FRAS1: variants seen among roughly 807,000 people sequenced by gnomAD.
FRAS1 encodes Fraser extracellular matrix complex subunit 1.
A neutral mutation model predicts 435.2 loss-of-function variants in FRAS1; 290 were observed. That is an observed-to-expected ratio of 0.67 (90% confidence interval 0.61 to 0.73). The LOEUF is 0.73. Among genes scored for constraint, FRAS1 ranks in the 30% least tolerant of loss-of-function variants. The pLI is 0.00. For synonymous variants in FRAS1, 1,800 were observed against 1,851.0 expected (o/e 0.97, Z 0.71); for missense variants, 4,860 against 5,001.5 (o/e 0.97, Z 0.85).
chr4:78,143,635 C>T (rs1720282616), intron 2 of FRAS1, among the ~76,000 whole-genome samples: 1 of 151,896 alleles, frequency 6.6e-6, no homozygotes, highest in Non-Finnish European at 1.5e-5. Flanking sequence ...GTAGCTGAAG[C>T]CTGTGGTCCC....
rs1731572096 is a variant in FRAS1, at chr4:78,372,879, C to T, written c.3010+21C>T. 2.5e-6 allele frequency: 4 copies of T among 1,608,902 alleles called. No homozygotes were observed. The East Asian group carries it at 6.7e-5, about 27-fold the overall frequency. On this transcript the variant is annotated intron_variant, in intron 24 of 73. Transcript: ENST00000512123. The stretch of plus-strand genomic sequence containing the variant: ...CAAGAGTAAGTGTGTAGAGGCCCTG[C>T]TCTGTGCTCAGCCATACCTTGGCCA...
intron 70 of FRAS1, among the ~76,000 whole-genome samples, chr4:78,531,476 T>G (rs757197957): frequency 1.3e-5 from 2 of 152,198 alleles, no homozygotes; most frequent in Non-Finnish European, 2.9e-5. Context: ...GGCTATGGGT[T>G]TGTCATAAAT....
At chr4:78,421,317 T>G (rs932555395) in intron 33 of FRAS1, among the ~76,000 whole-genome samples, 6 of 151,928 alleles carry the variant, frequency 3.9e-5, no homozygotes, top group African/African-American at 1.5e-4. Flanking sequence ...CCGGCTAATT[T>G]TTGTGTTTTT....
Position 78,446,729 on chromosome 4 carries a change from G to A in FRAS1, c.5859G>A (p.Arg1953=). 1 of 1,612,296 alleles carries A rather than the reference G, an allele frequency of 6.2e-7. No individual in the cohort carries two copies. The highest frequency in any genetic ancestry group is 8.5e-7 in the Non-Finnish European group (1 of 1,179,354). ...EIHSINITIE[R]KNDEPPRMTL... is the part of the protein sequence containing the mutation. The stretch of plus-strand genomic sequence containing the variant: ...CTAATAGTTTATGCTTTAATCAGAG[G>A]AAGAACGATGAGCCTCCCAGGATGA... The change falls in exon 43 of 74, where the codon AGG becomes AGA. Residue 1953 remains arginine, a splice_region_variant and synonymous_variant. Transcript: ENST00000512123.
chr4:78,184,981 T>C (rs996327472), intron 2 of FRAS1, among the ~76,000 whole-genome samples: 2 of 152,192 alleles, frequency 1.3e-5, no homozygotes, highest in African/African-American at 2.4e-5. Flanking sequence ...CCATCACATC[T>C]TCATTTTTCA....
chr4:78,301,185 A>G (rs948895431), intron 14 of FRAS1, among the ~76,000 whole-genome samples: 8 of 152,186 alleles, frequency 5.3e-5, no homozygotes, highest in African/African-American at 1.9e-4. Context: ...CTACCTACCA[A>G]TTTTGGTCAG....
At chr4:78,191,339 T>C (rs1382215060) in intron 2 of FRAS1, among the ~76,000 whole-genome samples, 1 of 152,218 alleles carries the variant, frequency 6.6e-6, no homozygotes, top group East Asian at 1.9e-4. Context: ...TTTAAAAAGA[T>C]GTACCAATTG....
intron 66 of FRAS1, among the ~76,000 whole-genome samples, chr4:78,517,068 A>G (rs1385337717): frequency 6.6e-6 from 1 of 152,256 alleles, no homozygotes; most frequent in Non-Finnish European, 1.5e-5. Context: ...AGTTATCTCA[A>G]TGAGCTAAAA....
At chr4:78,170,760 C>T (rs1206423046) in intron 2 of FRAS1, among the ~76,000 whole-genome samples, 1 of 152,054 alleles carries the variant, frequency 6.6e-6, no homozygotes, top group East Asian at 1.9e-4. Context: ...AGGTCAGGAT[C>T]ACCTCTGATA....
intron 9 of FRAS1, among the ~76,000 whole-genome samples, chr4:78,272,656 G>C (rs138940726): frequency 0.016 from 2,405 of 152,234 alleles, 38 homozygotes; most frequent in East Asian, 0.042. Flanking sequence ...GCTCTGTTCT[G>C]TTCCATTGGT....
rs1726409451 is a variant in FRAS1, at chr4:78,267,292, C to T, written c.841C>T (p.Pro281Ser). The T allele has an allele frequency of 1.9e-6, 3 of 1,613,840 alleles. No individual in the cohort carries two copies. The highest frequency in any genetic ancestry group is 2.2e-5 in the East Asian group (1 of 44,870). Residue 281 changes from proline to serine, a missense_variant, in exon 9 of 74, where the codon CCT becomes TCT. By Grantham distance (74) the Pro-to-Ser change is moderately conservative. Coordinates refer to ENST00000512123, the MANE Select transcript of FRAS1 (RefSeq NM_025074.7). ...GCAATGCTGTGAGGAATGTGTGTCT[C>T]CTGCCGGGAGCTGCTCCTATGATGG... is the stretch of plus-strand genomic sequence containing the variant. ...HGQCCEECVS[P>S]AGSCSYDGVV...
intron 2 of FRAS1, among the ~76,000 whole-genome samples, chr4:78,175,299 G>C (rs1177530592): frequency 6.6e-6 from 1 of 152,158 alleles, no homozygotes; most frequent in Non-Finnish European, 1.5e-5. Flanking sequence ...TGCTTTTACT[G>C]TTCTTTTCTT....
chr4:78,130,410 C>G (rs1329490450), intron 2 of FRAS1, among the ~76,000 whole-genome samples: 1 of 152,136 alleles, frequency 6.6e-6, no homozygotes, highest in Non-Finnish European at 1.5e-5. Flanking sequence ...GTACTGATCA[C>G]AAAGTCAGCA....
At chr4:78,345,030 A>G (rs541312581) in intron 20 of FRAS1, among the ~76,000 whole-genome samples, 2 of 152,252 alleles carry the variant, frequency 1.3e-5, no homozygotes, top group East Asian at 1.9e-4. Context: ...TGCCTAAGTC[A>G]TATTCCGTTG....
chr4:78,098,900 T>C (rs1041280459), intron 2 of FRAS1, among the ~76,000 whole-genome samples: 2 of 152,222 alleles, frequency 1.3e-5, no homozygotes, highest in Admixed American at 1.3e-4. Context: ...TTGTTGGCAG[T>C]ATAAGCAAGT....
chr4:78,297,305 T>C (rs1354902930), intron 14 of FRAS1, among the ~76,000 whole-genome samples: 2 of 152,292 alleles, frequency 1.3e-5, no homozygotes, highest in South Asian at 2.1e-4. Flanking sequence ...TCTGGAAACT[T>C]ACTCCAAACA....
At chr4:78,084,731 A>G (rs1012999594) in intron 2 of FRAS1, among the ~76,000 whole-genome samples, 7 of 152,032 alleles carry the variant, frequency 4.6e-5, no homozygotes, top group African/African-American at 9.7e-5. Context: ...TGGTTTTTCA[A>G]TGAGCTCTGG....
intron 70 of FRAS1, among the ~76,000 whole-genome samples, 184 bp from the exon 71 acceptor site, chr4:78,534,265 A>C (rs1327491256): frequency 1.3e-5 from 2 of 152,232 alleles, no homozygotes; most frequent in African/African-American, 4.8e-5. Context: ...ATTTCTGTTC[A>C]AAAGAAATAA....
At chr4:78,440,661 G>A (rs1226395375) in intron 40 of FRAS1, among the ~76,000 whole-genome samples, 1 of 152,228 alleles carries the variant, frequency 6.6e-6, no homozygotes, top group African/African-American at 2.4e-5. Context: ...CTAGCTTTCA[G>A]ATATGGTGAA....
Sources: allele counts gnomAD v4.1 joint callset (sites outside exome capture counted in the v4.1 genomes callset), GRCh38; gene constraint gnomAD v4.1.1; transcripts MANE v1.5; gene names NCBI Gene and HGNC (gene_info 2026-07-23, HGNC 2026-07-21).